SV2C: variants seen among roughly 807,000 people sequenced by gnomAD.
SV2C encodes the protein synaptic vesicle glycoprotein 2C, also known as solute carrier family 22 member B3.
In SV2C, 49 loss-of-function variants were observed where a neutral mutation model predicts 79.7. The ratio of observed to expected loss-of-function variants is 0.61; its 90% CI spans 0.49 to 0.78. The LOEUF is 0.78. SV2C is among the 30% of genes least tolerant of loss of function. The pLI is 0.00. For synonymous variants in SV2C, 334 were observed against 333.2 expected, an observed-to-expected ratio of 1.00 and a Z score of -0.03; for missense variants, 833 against 912.9, an observed-to-expected ratio of 0.91 and a Z score of 1.13.
the SV2C span, among the ~76,000 whole-genome samples, chr5:75,950,018 G>A: frequency 1.3e-5 from 2 of 152,046 alleles, no homozygotes; most frequent in Non-Finnish European, 2.9e-5. Context: ...GATTAACTGA[G>A]ATGGGGAGAA....
intron 2 of SV2C, among the ~76,000 whole-genome samples, chr5:76,175,309 TTACTG>T (rs1422158961): frequency 6.6e-6 from 1 of 152,146 alleles, no homozygotes; most frequent in African/African-American, 2.4e-5. Flanking sequence ...GAATTGCTCT[TTACTG>T]TAAAACAAAA....
At chr5:75,988,977 A>G in the SV2C span, among the ~76,000 whole-genome samples, 14,883 of 151,966 alleles carry the variant, frequency 0.098, 749 homozygotes, top group Admixed American at 0.12. Context: ...CTGCCCTTAG[A>G]AAACTACAAC....
chr5:75,858,436 C>T, the SV2C span, among the ~76,000 whole-genome samples: 1 of 152,200 alleles, frequency 6.6e-6, no homozygotes, highest in African/African-American at 2.4e-5. Flanking sequence ...ACCATCCTTG[C>T]ATCCCAGGGA....
rs1744088011 is a variant in SV2C, at chr5:76,191,119, G to A, written c.581-3800G>A. 2.0e-5 allele frequency among the ~76,000 whole-genome samples: 3 copies of A among 152,182 alleles called. No individual in the cohort carries two copies. The South Asian group carries it at 6.2e-4, about 31-fold the overall frequency. On this transcript the variant is annotated intron_variant, in intron 2 of 12. Coordinates refer to ENST00000502798, the MANE Select transcript of SV2C (RefSeq NM_014979.4). Reference sequence around the variant, plus strand: ...AGGCCTCAGGAAACTTACAATCATGGTGGAAGGCAAAGGGGAAGCAGGCAT... The same window carrying A: ...AGGCCTCAGGAAACTTACAATCATGATGGAAGGCAAAGGGGAAGCAGGCAT...
intron 2 of SV2C, among the ~76,000 whole-genome samples, chr5:76,153,747 G>C (rs1742634811): frequency 6.6e-6 from 1 of 152,172 alleles, no homozygotes; most frequent in African/African-American, 2.4e-5. Flanking sequence ...CAGGCTTGTG[G>C]CTTCAAATGT....
chr5:76,336,632 C>T (rs1749334697), downstream of SV2C, among the ~76,000 whole-genome samples: 1 of 152,148 alleles, frequency 6.6e-6, no homozygotes, highest in Non-Finnish European at 1.5e-5. Flanking sequence ...AGACTCCGTC[C>T]GCAATCCCGG....
intron 2 of SV2C, among the ~76,000 whole-genome samples, chr5:76,165,654 A>G (rs570426080): frequency 1.3e-5 from 2 of 152,018 alleles, no homozygotes; most frequent in East Asian, 3.9e-4. Context: ...AGTGCCCTTG[A>G]CACCCATCGG....
chr5:75,954,777 G>T, the SV2C span, among the ~76,000 whole-genome samples: 2 of 148,800 alleles, frequency 1.3e-5, no homozygotes, highest in African/African-American at 5.2e-5. Context: ...CAAATCATGA[G>T]TGAACTCCCA....
At chr5:75,963,026 C>G in the SV2C span, among the ~76,000 whole-genome samples, 1 of 151,760 alleles carries the variant, frequency 6.6e-6, no homozygotes, top group Non-Finnish European at 1.5e-5. Context: ...TGTGATGTGA[C>G]TTACAATAAA....
chr5:75,997,119 G>T, the SV2C span, among the ~76,000 whole-genome samples: 2 of 151,362 alleles, frequency 1.3e-5, no homozygotes, highest in Admixed American at 1.3e-4. Flanking sequence ...TTGGCTGTGG[G>T]TTTGTCATAG....
the SV2C span, among the ~76,000 whole-genome samples, chr5:76,044,470 T>C: frequency 6.6e-6 from 1 of 152,194 alleles, no homozygotes; most frequent in South Asian, 2.1e-4. Context: ...GTTCTAGGTC[T>C]TTGAGGAATC....
the SV2C span, chr5:75,911,681 C>T: frequency 2.9e-6 from 2 of 692,720 alleles, no homozygotes; most frequent in Non-Finnish European, 5.5e-6. Flanking sequence ...ACCTTAATGA[C>T]ATCTCAGATT....
the SV2C span, among the ~76,000 whole-genome samples, chr5:76,066,251 T>C: frequency 1.3e-5 from 2 of 152,006 alleles, 1 homozygote. Context: ...ATATACACCA[T>C]GGAATACTAT....
At chr5:76,262,239 A>G (rs1438161877) in intron 4 of SV2C, among the ~76,000 whole-genome samples, 4 of 152,124 alleles carry the variant, frequency 2.6e-5, no homozygotes, top group Non-Finnish European at 4.4e-5. Context: ...GTTTTATAGT[A>G]TTCTCTGATG....
At chr5:76,221,018 A>G (rs1745050737) in intron 4 of SV2C, among the ~76,000 whole-genome samples, 1 of 152,234 alleles carries the variant, frequency 6.6e-6, no homozygotes, top group South Asian at 2.1e-4. Flanking sequence ...AAATCAGTGT[A>G]GAGTGGACAC....
At chr5:76,338,952 G>A (rs920096606), downstream of SV2C, among the ~76,000 whole-genome samples, 2 of 151,784 alleles carry the variant, frequency 1.3e-5, no homozygotes, top group South Asian at 2.1e-4. Flanking sequence ...CACCGCTCCC[G>A]GCTTACAGTA....
chr5:75,926,200 G>T, the SV2C span, among the ~76,000 whole-genome samples: 1 of 151,656 alleles, frequency 6.6e-6, no homozygotes, highest in Non-Finnish European at 1.5e-5. Context: ...CTGCTCCAAG[G>T]CTTACCCAAA....
At chr5:76,243,237 AT>A (rs1745847578) in intron 4 of SV2C, among the ~76,000 whole-genome samples, 1 of 152,162 alleles carries the variant, frequency 6.6e-6, no homozygotes, top group Non-Finnish European at 1.5e-5. Flanking sequence ...ATCAAAAAAA[AT>A]GTATGTTTTC....
chr5:76,061,138 A>G, the SV2C span, among the ~76,000 whole-genome samples: 2 of 151,992 alleles, frequency 1.3e-5, no homozygotes, highest in Non-Finnish European at 2.9e-5. Context: ...CAAATGTAAT[A>G]ATAATGAAAA....
Sources: allele counts gnomAD v4.1 joint callset (sites outside exome capture counted in the v4.1 genomes callset), GRCh38; gene constraint gnomAD v4.1.1; transcripts MANE v1.5; gene names NCBI Gene and HGNC (gene_info 2026-07-23, HGNC 2026-07-21).